The following INPP5F variants were observed in gnomAD, a reference collection of about 807,000 sequenced individuals.
INPP5F encodes the protein inositol polyphosphate-5-phosphatase F.
Under a neutral mutation model 137.2 loss-of-function variants are expected in INPP5F, and 97 were observed. That is an observed-to-expected ratio of 0.71 (90% CI 0.60 to 0.84). The LOEUF is 0.84. Ranked by LOEUF, INPP5F falls within the 40% of genes least tolerant of loss-of-function variation. The pLI is 0.00. For synonymous variants in INPP5F, 504 were observed against 476.9 expected, an observed-to-expected ratio of 1.06 and a Z score of -0.74; for missense variants, 1,271 against 1,371.9, an observed-to-expected ratio of 0.93 and a Z score of 1.16.
chr10:119,823,560 T>G (rs1430367421), intron 18 of INPP5F, among the ~76,000 whole-genome samples: 1 of 149,870 alleles, frequency 6.7e-6, no homozygotes, highest in Non-Finnish European at 1.5e-5. Flanking sequence ...TCACAGTGCT[T>G]GAACAAACAT....
At chr10:119,747,816 G>A (rs978613218) in intron 1 of INPP5F, among the ~76,000 whole-genome samples, 2 of 152,236 alleles carry the variant, frequency 1.3e-5, no homozygotes, top group East Asian at 3.9e-4. Context: ...GGAAAATTGT[G>A]TCACCATGAA....
At position 119,791,964 on chromosome 10, in the gene INPP5F, G is replaced by A. The variant is rs1241497030; in HGVS notation, c.540G>A (p.Leu180=). 1 of 1,614,034 alleles carries A rather than the reference G, an allele frequency of 6.2e-7. No homozygotes were observed. The highest frequency in any genetic ancestry group is 8.5e-7 in the Non-Finnish European group (1 of 1,179,994). Residue 180 remains leucine, a synonymous_variant, in exon 5 of 20, where the codon TTG becomes TTA. Coordinates refer to ENST00000650623, the MANE Select transcript of INPP5F (RefSeq NM_014937.4). ...FMDSESFYYS[L]TYDLTNSVQR... ...ACTCAGAATCCTTTTATTATAGCTT[G>A]ACCTATGACCTGACCAATTCCGTGC...
At chr10:119,768,469 T>C (rs902456779) in intron 2 of INPP5F, 2 of 152,214 alleles carry the variant, frequency 1.3e-5, no homozygotes, top group Non-Finnish European at 2.9e-5. Context: ...TCCCACGCTG[T>C]GATCAGTAGT....
chr10:119,767,964 C>CGT (rs1564817354), intron 2 of INPP5F, among the ~76,000 whole-genome samples: 1 of 152,034 alleles, frequency 6.6e-6, no homozygotes, highest in African/African-American at 2.4e-5. Flanking sequence ...GACAGAGGAA[C>CGT]GTGAGTATTC....
chr10:119,826,223 G>A (rs1851752590), intron 19 of INPP5F, among the ~76,000 whole-genome samples: 3 of 152,240 alleles, frequency 2.0e-5, no homozygotes, highest in Non-Finnish European at 4.4e-5. Context: ...CTCACCACAT[G>A]TGGTTGTGAA....
intron 2 of INPP5F, among the ~76,000 whole-genome samples, chr10:119,755,288 G>GCCAACA (rs1848807878): frequency 6.6e-6 from 1 of 152,144 alleles, no homozygotes; most frequent in Non-Finnish European, 1.5e-5. Context: ...GTGTTGGCTG[G>GCCAACA]GTTGGTTCCT....
At chr10:119,819,660 C>G (rs1646401873) in intron 15 of INPP5F, 1 of 626,094 alleles carries the variant, frequency 1.6e-6, no homozygotes, top group Non-Finnish European at 2.5e-6. Context: ...GATTTTGGCT[C>G]CTAGAATCGA....
rs143001578 is a variant in INPP5F at position 119,827,302 on chromosome 10, T to C, written c.2921T>C (p.Leu974Pro). Residue 974 changes from leucine to proline, a missense_variant, in exon 20 of 20, where the codon CTA becomes CCA. By Grantham distance (98) the Leu-to-Pro change is moderately conservative. This residue lies in a region of INPP5F where 490 missense variants were observed against 443.7 expected (regional missense o/e 1.10). Coordinates refer to ENST00000650623, the MANE Select transcript of INPP5F (RefSeq NM_014937.4). ...VQDAQNKVTH[L>P]SETRSVSQQA... ...GATGCACAGAACAAAGTGACCCACCTATCAGAGACCAGATCTGTGTCTCAG... is the reference window on the plus strand; with the variant it reads ...GATGCACAGAACAAAGTGACCCACCCATCAGAGACCAGATCTGTGTCTCAG... The C allele has an allele frequency of 2.2e-5, 35 of 1,614,118 alleles. No homozygotes were observed. Among genetic ancestry groups the C allele is most frequent in the African/African-American group, 2.0e-4 (15 of 75,042 alleles).
intron 2 of INPP5F, among the ~76,000 whole-genome samples, chr10:119,773,245 C>G (rs900245070): frequency 9.9e-5 from 15 of 151,718 alleles, no homozygotes; most frequent in Admixed American, 9.2e-4. Context: ...TTTGTAGAGA[C>G]AGGGTCTTGC....
At chr10:119,728,834 T>TA (rs1368393728) in intron 1 of INPP5F, among the ~76,000 whole-genome samples, 6 of 152,218 alleles carry the variant, frequency 3.9e-5, no homozygotes, top group Non-Finnish European at 8.8e-5. Context: ...GCCACCTTTA[T>TA]TGTGTTTCCA....
chr10:119,811,989 C>T, intron 15 of INPP5F, 34 bp downstream of exon 15: 1 of 1,555,458 alleles, frequency 6.4e-7, no homozygotes, highest in Admixed American at 1.7e-5. Flanking sequence ...GACCAGCTTG[C>T]TTAACTGATG....
intron 2 of INPP5F, among the ~76,000 whole-genome samples, chr10:119,757,938 C>T (rs538951755): frequency 6.6e-6 from 1 of 152,334 alleles, no homozygotes; most frequent in East Asian, 1.9e-4. Context: ...TGCTGTGTCT[C>T]TGTGTGCTGG....
chr10:119,795,151 A>G (rs80316399), intron 6 of INPP5F, among the ~76,000 whole-genome samples: 6,716 of 81,610 alleles, frequency 0.082, 279 homozygotes, highest in South Asian at 0.32. Flanking sequence ...CCTCCCTCCC[A>G]GACGGGGCGG....
Position 119,792,222 on chromosome 10 carries a change from T to C in INPP5F, c.669+9T>C, listed in dbSNP as rs1589719494. 6.3e-7 allele frequency: 1 copy of C among 1,598,770 alleles called. No homozygotes were observed. The highest frequency in any genetic ancestry group is 8.6e-7 in the Non-Finnish European group (1 of 1,167,058). ...ATCTTACTGAGATTGGTGTGAGTAG[T>C]TGTTTCTAAAATTTCCTAACCGTAA... On this transcript the variant is annotated intron_variant, in intron 6 of 19. Transcript: ENST00000650623.
intron 6 of INPP5F, among the ~76,000 whole-genome samples, chr10:119,796,423 C>T (rs1425307998): frequency 5.3e-5 from 8 of 152,090 alleles, no homozygotes; most frequent in East Asian, 3.9e-4. Flanking sequence ...TACTATTTCA[C>T]GGAGAAGGAC....
intron 6 of INPP5F, among the ~76,000 whole-genome samples, chr10:119,794,137 CTG>C (rs957191585): frequency 6.6e-6 from 1 of 151,932 alleles, no homozygotes; most frequent in African/African-American, 2.4e-5. Context: ...ACAAAGGTCT[CTG>C]GTTTTCCTAG....
At chr10:119,795,261 C>T (rs1263751947) in intron 6 of INPP5F, among the ~76,000 whole-genome samples, 14 of 151,882 alleles carry the variant, frequency 9.2e-5, no homozygotes, top group South Asian at 4.2e-4. Context: ...GGGGGCTGAC[C>T]CCCCTACCTC....
chr10:119,823,785 A>C, intron 18 of INPP5F, 30 bp from the exon 19 acceptor site: 1 of 1,562,968 alleles, frequency 6.4e-7, no homozygotes, highest in Non-Finnish European at 8.8e-7. Flanking sequence ...TTTATGGAGA[A>C]ATTGGCAGGC....
intron 1 of INPP5F, among the ~76,000 whole-genome samples, chr10:119,744,213 T>G (rs114064104): frequency 6.6e-6 from 1 of 152,162 alleles, no homozygotes; most frequent in African/African-American, 2.4e-5. Context: ...TTGACAACAC[T>G]GAGTTAAAAA....
Sources: gnomAD v4.1 joint callset for allele counts (sites outside exome capture counted in the v4.1 genomes callset) on GRCh38, gnomAD v4.1.1 for gene constraint, gnomAD v4.1.1 regional missense constraint, MANE v1.5 for transcripts, NCBI Gene and HGNC (gene_info 2026-07-23, HGNC 2026-07-21) for gene names.